Variants in KCTD8 observed in about 807,000 individuals in gnomAD.
KCTD8 encodes potassium channel tetramerization domain containing 8, also known as BTB/POZ domain-containing protein KCTD8.
In KCTD8, 27 loss-of-function variants were observed where a neutral mutation model predicts 31.5. The observed-to-expected ratio is 0.86, with a 90% CI of 0.63 to 1.18. The LOEUF is 1.18. Ranked by LOEUF, KCTD8 falls within the 50% of genes most tolerant of loss-of-function variation. The pLI is 0.00. For missense variants in KCTD8, 658 were observed against 647.7 expected (o/e 1.02, Z -0.17); for synonymous variants, 290 against 280.0 (o/e 1.04, Z -0.36).
chr4:44,310,289 T>C (rs1387671935), intron 1 of KCTD8, among the ~76,000 whole-genome samples: 1 of 152,080 alleles, frequency 6.6e-6, no homozygotes, highest in Non-Finnish European at 1.5e-5. Context: ...ATTTTGAACA[T>C]AGAAACAGCT....
At chr4:44,213,968 G>C (rs1714568623) in intron 1 of KCTD8, among the ~76,000 whole-genome samples, 1 of 152,156 alleles carries the variant, frequency 6.6e-6, no homozygotes, top group South Asian at 2.1e-4. Context: ...ATACCAGAAA[G>C]AGAACAAGTC....
chr4:44,402,135 T>C (rs1444625296), intron 1 of KCTD8, among the ~76,000 whole-genome samples: 4 of 152,168 alleles, frequency 2.6e-5, no homozygotes, highest in Non-Finnish European at 5.9e-5. Context: ...AGCAAAAAGA[T>C]AGAGCTGGAG....
intron 1 of KCTD8, among the ~76,000 whole-genome samples, chr4:44,408,905 C>T (rs1403891698): frequency 2.0e-5 from 3 of 151,932 alleles, no homozygotes; most frequent in Non-Finnish European, 4.4e-5. Flanking sequence ...GTGTGAGCCA[C>T]TGCGCCCGGC....
chr4:44,175,324 T>C, intron 1 of KCTD8, 74 bp from the exon 2 acceptor site: 1 of 841,574 alleles, frequency 1.2e-6, no homozygotes. Flanking sequence ...TTAAATGAAC[T>C]CTATATTTTC....
chr4:44,242,051 C>T (rs1053915738), intron 1 of KCTD8, among the ~76,000 whole-genome samples: 3 of 152,180 alleles, frequency 2.0e-5, no homozygotes, highest in South Asian at 2.1e-4. Context: ...ACTCCAGCTG[C>T]CAATCTTCAG....
intron 1 of KCTD8, among the ~76,000 whole-genome samples, chr4:44,190,294 C>T (rs563833476): frequency 6.6e-6 from 1 of 152,338 alleles, no homozygotes; most frequent in Admixed American, 6.5e-5. Context: ...CTATTACTCT[C>T]ACCCTTCATT....
chr4:44,346,887 T>C (rs1719050750), intron 1 of KCTD8, among the ~76,000 whole-genome samples: 1 of 152,174 alleles, frequency 6.6e-6, no homozygotes, highest in Non-Finnish European at 1.5e-5. Flanking sequence ...GTAAAGTATA[T>C]ATTTGGAAGG....
chr4:44,293,116 A>C (rs1005371574), intron 1 of KCTD8, among the ~76,000 whole-genome samples: 1 of 152,110 alleles, frequency 6.6e-6, no homozygotes, highest in African/African-American at 2.4e-5. Context: ...CAAAATCCAG[A>C]ATCTGAACAG....
In KCTD8 at chr4:44,333,738, C is replaced by G. The variant is rs191087394; in HGVS notation, c.961+113825G>C. 2.6e-3 allele frequency among the ~76,000 whole-genome samples: 397 copies of G among 152,040 alleles called. 3 individuals are homozygous for G. Among genetic ancestry groups the G allele is most frequent in the Admixed American group, 4.0e-3 (61 of 15,266 alleles). ...ATGTTGTATTGAGGTGAATGAGAGG[C>G]ATGATACAAGAGTAATATATGAAGA... On this transcript the variant is annotated intron_variant, in intron 1 of 1. Transcript: ENST00000360029.
At chr4:44,236,768 A>G (rs1388994857) in intron 1 of KCTD8, among the ~76,000 whole-genome samples, 2 of 152,138 alleles carry the variant, frequency 1.3e-5, no homozygotes, top group Non-Finnish European at 2.9e-5. Flanking sequence ...TCCTTACTCA[A>G]ATCTCATCTT....
chr4:44,388,691 G>A (rs541452668), intron 1 of KCTD8, among the ~76,000 whole-genome samples: 1 of 151,650 alleles, frequency 6.6e-6, no homozygotes, highest in East Asian at 2.0e-4. Flanking sequence ...TGACACACAG[G>A]GGCCTTTCAG....
intron 1 of KCTD8, among the ~76,000 whole-genome samples, chr4:44,398,783 C>T (rs143534458): frequency 1.7e-3 from 258 of 152,218 alleles, no homozygotes; most frequent in Non-Finnish European, 2.8e-3. Flanking sequence ...GTACGGCATA[C>T]CCCACATGGA....
At chr4:44,315,291 A>C (rs1299677401) in intron 1 of KCTD8, among the ~76,000 whole-genome samples, 1 of 152,070 alleles carries the variant, frequency 6.6e-6, no homozygotes, top group Non-Finnish European at 1.5e-5. Context: ...TTTCTTAAAA[A>C]ATTTTAAGAA....
chr4:44,198,978 A>G (rs561368024), intron 1 of KCTD8, among the ~76,000 whole-genome samples: 1 of 152,274 alleles, frequency 6.6e-6, no homozygotes, highest in East Asian at 1.9e-4. Flanking sequence ...ACAGAAAACT[A>G]AAAAAGAGCA....
chr4:44,297,904 GGCCAGTCCTT>G (rs1417538003), intron 1 of KCTD8, among the ~76,000 whole-genome samples: 2 of 152,056 alleles, frequency 1.3e-5, no homozygotes, highest in Non-Finnish European at 2.9e-5. Flanking sequence ...TGTAATTAGC[GGCCAGTCCTT>G]GCTTTTAAAG....
chr4:44,261,805 T>C (rs1199321294), intron 1 of KCTD8, among the ~76,000 whole-genome samples: 5 of 151,954 alleles, frequency 3.3e-5, no homozygotes, highest in Non-Finnish European at 7.4e-5. Flanking sequence ...TATAAGAAAA[T>C]AGGAATTGTA....
chr4:44,405,922 AAG>A (rs1374715623), intron 1 of KCTD8, among the ~76,000 whole-genome samples: 1 of 152,086 alleles, frequency 6.6e-6, no homozygotes, highest in Non-Finnish European at 1.5e-5. Flanking sequence ...GGGAACTAAC[AAG>A]AGGAGAAGAA....
intron 1 of KCTD8, among the ~76,000 whole-genome samples, chr4:44,308,237 C>G (rs182621977): frequency 7.9e-5 from 12 of 152,112 alleles, no homozygotes; most frequent in Admixed American, 7.9e-4. Flanking sequence ...AACTTTCAAA[C>G]TGGTATATCG....
Position 44,448,256 on chromosome 4 carries a change from G to C in KCTD8, c.268C>G (p.Pro90Ala). ...AAGAAGCGCGCCCGGCTGTCCCTGG[G>C]CAGCTCGCCCCGGCGCCGGGCGCCG... Reference protein sequence around the residue: ...RGGARRRGELPRDSRARFFID... With the variant: ...RGGARRRGELARDSRARFFID... The change falls in exon 1 of 2, where the codon CCC becomes GCC. Residue 90 changes from proline (P) to alanine (A), a missense_variant. Physicochemically the swap from Pro to Ala is conservative, Grantham distance 27 (BLOSUM62 -1). Coordinates refer to ENST00000360029, the MANE Select transcript of KCTD8 (RefSeq NM_198353.3). The surrounding 1 kb of genome is among the most constrained non-coding windows in gnomAD (Gnocchi z 4.1). 6.2e-7 allele frequency: 1 copy of C among 1,608,998 alleles called. No individual in the cohort carries two copies. Among genetic ancestry groups the C allele is most frequent in the Non-Finnish European group, 8.5e-7 (1 of 1,178,130 alleles).
Sources: allele counts gnomAD v4.1 joint callset (sites outside exome capture counted in the v4.1 genomes callset), GRCh38; gene constraint gnomAD v4.1.1; non-coding constraint Gnocchi (gnomAD v3.1); transcripts MANE v1.5; gene names NCBI Gene and HGNC (gene_info 2026-07-23, HGNC 2026-07-21).